SCAMP4: variants seen among roughly 807,000 people sequenced by gnomAD.
SCAMP4 encodes the protein secretory carrier-associated membrane protein 4.
Under a neutral mutation model 32.1 loss-of-function variants are expected in SCAMP4, and 19 were observed. The ratio of observed to expected loss-of-function variants is 0.59; its 90% CI spans 0.41 to 0.87. The LOEUF (loss-of-function observed/expected upper bound fraction) is 0.87, where lower values mean the gene tolerates loss of function less well. Ranked by LOEUF, SCAMP4 falls within the 40% of genes least tolerant of loss-of-function variation. The pLI, the probability that SCAMP4 is intolerant of heterozygous loss-of-function variation, is 0.00. For missense variants in SCAMP4, 302 were observed against 309.0 expected (o/e 0.98, Z 0.17); for synonymous variants, 152 against 132.7 (o/e 1.15, Z -1.00).
intron 4 of SCAMP4, 152 bp from the exon 5 acceptor site, chr19:1,918,737 G>A (rs1207633444): frequency 4.1e-6 from 5 of 1,215,788 alleles, no homozygotes; most frequent in Non-Finnish European, 4.4e-6. Flanking sequence ...TCTCCAGCCT[G>A]GGCGACAGAG....
intron 6 of SCAMP4, 104 bp downstream of exon 6, chr19:1,923,291 C>G (rs1188807725): frequency 5.2e-6 from 5 of 956,544 alleles, no homozygotes; most frequent in Admixed American, 2.6e-5. Flanking sequence ...GCCCTCTCCC[C>G]ACGGTGTCAC....
In SCAMP4 at chr19:1,917,734, T is replaced by C. The variant is rs758578314; in HGVS notation, c.48T>C (p.Pro16=). 1.9e-6 allele frequency: 3 copies of C among 1,614,042 alleles called. No homozygotes were observed. The South Asian group carries it at 3.3e-5, about 18-fold the overall frequency. ...NNFPPLPKFI[P]VKPCFYQNFS... ...TCCCGCCACTGCCCAAGTTCATCCC[T>C]GTGAAGCCCTGCTTCTACCAGAACT... is the stretch of plus-strand genomic sequence containing the variant. The change falls in exon 3 of 7, where the codon CCT becomes CCC. Residue 16 remains proline, a synonymous_variant. Transcript: ENST00000316097.
intron 1 of SCAMP4, chr19:1,912,028 C>G (rs958047085): frequency 9.2e-6 from 13 of 1,416,482 alleles, no homozygotes; most frequent in East Asian, 8.2e-5. Context: ...GGCTCTCCCC[C>G]AGCCGCCCGC....
chr19:1,917,794 G>A lies in SCAMP4; in HGVS notation c.108G>A (p.Leu36=), dbSNP rs746628018. The A allele has an allele frequency of 3.1e-6, 5 of 1,613,938 alleles. No homozygotes were observed. The highest frequency in any genetic ancestry group is 4.2e-6 in the Non-Finnish European group (5 of 1,179,908). ...AGATCCCAGTGGAGCACCAGGTCCT[G>A]GTGAAGAGGATCTACCGGCTGTGGA... ...SDEIPVEHQV[L]VKRIYRLWMF... Residue 36 remains leucine (L), a synonymous_variant, in exon 3 of 7, where the codon CTG becomes CTA. Coordinates refer to ENST00000316097, the MANE Select transcript of SCAMP4 (RefSeq NM_079834.4).
intron 1 of SCAMP4, among the ~76,000 whole-genome samples, chr19:1,914,331 G>A (rs1036984689): frequency 9.2e-5 from 14 of 152,144 alleles, no homozygotes; most frequent in African/African-American, 2.4e-4. Context: ...GCCTCACCTG[G>A]ACTGTGGGCG....
intron 5 of SCAMP4, chr19:1,921,582 C>T: frequency 1.0e-6 from 1 of 985,450 alleles, no homozygotes; most frequent in Non-Finnish European, 1.2e-6. Flanking sequence ...GCGTGCGATG[C>T]TGGCCAGTGG....
At chr19:1,915,370 T>C (rs1000936601) in intron 2 of SCAMP4, 5 of 419,518 alleles carry the variant, frequency 1.2e-5, no homozygotes, top group African/African-American at 6.1e-5. Context: ...CCTTCCCCAG[T>C]GGGGCGTAAG....
intron 6 of SCAMP4, 53 bp downstream of exon 6, chr19:1,923,240 G>C: frequency 1.4e-6 from 2 of 1,455,422 alleles, no homozygotes; most frequent in Non-Finnish European, 9.3e-7. Flanking sequence ...CATGAACCTC[G>C]TCACCCAACT....
Position 1,908,513 on chromosome 19 carries a change from G to A in SCAMP4, c.-42+3074G>A, listed in dbSNP as rs1360549690. On this transcript the variant is annotated intron_variant, in intron 1 of 6. Coordinates refer to ENST00000316097, the MANE Select transcript of SCAMP4 (RefSeq NM_079834.4). The surrounding 1 kb of genome is among the most constrained non-coding windows in gnomAD (Gnocchi z 4.2). Reference sequence around the variant, plus strand: ...GGGAGGAGCCGTCCATACCAGCGGGGATGTGTAGTCCAGGCTGGCAGTTCA... The same window carrying A: ...GGGAGGAGCCGTCCATACCAGCGGGAATGTGTAGTCCAGGCTGGCAGTTCA... 2 of 471,030 alleles carry A rather than the reference G, an allele frequency of 4.2e-6. No individual in the cohort carries two copies. The highest frequency in any genetic ancestry group is 1.5e-5 in the South Asian group (1 of 64,576). 29.2% of individuals were successfully genotyped at this position (471,030 alleles called of 1,614,324 possible).
In SCAMP4 at chr19:1,914,364, C is replaced by T. The variant is rs59988499; in HGVS notation, c.-41-615C>T. On this transcript the variant is annotated intron_variant, in intron 1 of 6. Coordinates refer to ENST00000316097, the MANE Select transcript of SCAMP4 (RefSeq NM_079834.4). Reference sequence around the variant, plus strand: ...GCGGGAGGCAGCTCCTGGCCCCGTGCCCGCCCCCTCGGGCCTGTTCCCCTG... The same window carrying T: ...GCGGGAGGCAGCTCCTGGCCCCGTGTCCGCCCCCTCGGGCCTGTTCCCCTG... Among the ~76,000 whole-genome samples the T allele has an allele frequency of 7.1e-3, 1,081 of 152,230 alleles. 11 individuals are homozygous for T. The highest frequency in any genetic ancestry group is 0.025 in the African/African-American group (1,040 of 41,544).
chr19:1,923,228 T>A, intron 6 of SCAMP4, 41 bp downstream of exon 6: 1 of 1,487,544 alleles, frequency 6.7e-7, no homozygotes, highest in Non-Finnish European at 9.1e-7. Flanking sequence ...TTACCCCTTC[T>A]CCATGAACCT....
At chr19:1,914,355 G>A (rs1287733013) in intron 1 of SCAMP4, among the ~76,000 whole-genome samples, 2 of 152,030 alleles carry the variant, frequency 1.3e-5, no homozygotes, top group Non-Finnish European at 2.9e-5. Flanking sequence ...GGCAGCTCCT[G>A]GCCCCGTGCC....
At chr19:1,915,173 C>A in intron 2 of SCAMP4, 147 bp downstream of exon 2, 1 of 945,988 alleles carries the variant, frequency 1.1e-6, no homozygotes, top group Non-Finnish European at 1.6e-6. Flanking sequence ...CGTAGCCCAG[C>A]ACAGCTGGAG....
At chr19:1,913,076 C>G in intron 1 of SCAMP4, 1 of 1,601,592 alleles carries the variant, frequency 6.2e-7, no homozygotes, top group Non-Finnish European at 8.5e-7. Context: ...ACGCACGGCC[C>G]GACCTCAACC....
At chr19:1,912,131 GTGC>G (rs777406459) in intron 1 of SCAMP4, 2 of 1,554,920 alleles carry the variant, frequency 1.3e-6, no homozygotes, top group East Asian at 4.7e-5. Flanking sequence ...AGCAGCCCAA[GTGC>G]TTGGAGGCCG....
At position 1,918,002 on chromosome 19, in the gene SCAMP4, T is replaced by C. The variant is rs2013789428; in HGVS notation, c.137-125T>C. On this transcript the variant is annotated intron_variant, in intron 3 of 6. Transcript: ENST00000316097. Reference sequence around the variant, plus strand: ...GGCCCCAGTGTCTTGGCTTGCACAGTTCATCCTCGACATGGGGTCACTGGG... The same window carrying C: ...GGCCCCAGTGTCTTGGCTTGCACAGCTCATCCTCGACATGGGGTCACTGGG... The C allele has an allele frequency of 3.6e-6, 5 of 1,384,900 alleles. No homozygotes were observed. The Admixed American group carries it at 8.4e-5, about 23-fold the overall frequency. The allele number at this position is 1,384,900 out of a possible 1,614,324, so 85.8% of individuals were successfully genotyped here. A position where few individuals can be genotyped will look rare whatever the true frequency, so the allele number is the denominator to read the frequency against.
At position 1,925,554 on chromosome 19, in the gene SCAMP4, CA is replaced by C; in HGVS notation, c.*1275del. On this transcript the variant is annotated 3_prime_UTR_variant, in exon 7 of 7. Transcript: ENST00000316097. ...ACAGCACCATTCACAACGGTTGGGC[CA>C]AAAAGAAACTTTTCCTTCATCATTT... is the stretch of plus-strand genomic sequence containing the variant. 2 of 153,258 alleles carry C rather than the reference CA, an allele frequency of 1.3e-5. No individual in the cohort carries two copies. The highest frequency in any genetic ancestry group is 6.5e-5 in the Admixed American group (1 of 15,280). The allele number at this position is 153,258 out of a possible 1,614,324, so 9.5% of individuals were successfully genotyped here.
intron 2 of SCAMP4, chr19:1,915,444 A>G (rs2013701224): frequency 4.0e-6 from 1 of 249,932 alleles, no homozygotes; most frequent in African/African-American, 2.2e-5. Context: ...GCCCAGGGAC[A>G]CTTCCTCAGG....
intron 5 of SCAMP4, among the ~76,000 whole-genome samples, chr19:1,919,812 A>G (rs1336384120): frequency 7.6e-6 from 1 of 132,226 alleles, no homozygotes; most frequent in Non-Finnish European, 1.6e-5. Context: ...TTTTTAAACT[A>G]TTATTATTTT....
Sources: allele counts gnomAD v4.1 joint callset (sites outside exome capture counted in the v4.1 genomes callset), GRCh38; gene constraint gnomAD v4.1.1; non-coding constraint Gnocchi (gnomAD v3.1); transcripts MANE v1.5; gene names NCBI Gene and HGNC (gene_info 2026-07-23, HGNC 2026-07-21).